The following RBFOX1 variants were observed in gnomAD, a reference collection of about 807,000 sequenced individuals.
RBFOX1 encodes RNA binding fox-1 homolog 1.
A neutral mutation model predicts 57.7 loss-of-function variants in RBFOX1; 8 were observed. The observed-to-expected ratio is 0.14, with a 90% CI of 0.08 to 0.25. The LOEUF (loss-of-function observed/expected upper bound fraction) is 0.25, where lower values mean the gene tolerates loss of function less well. RBFOX1 is among the 10% of genes least tolerant of loss of function. RBFOX1 has a pLI of 1.00. For missense variants in RBFOX1, 611 were observed against 548.5 expected (o/e 1.11, Z -1.14); for synonymous variants, 326 against 222.4 (o/e 1.47, Z -4.15).
rs879752950 is a variant in RBFOX1 at position 7,449,732 on chromosome 16, G to T, written c.28-68415G>T. Among the ~76,000 whole-genome samples, 220 of 138,328 alleles carry T rather than the reference G, an allele frequency of 1.6e-3. 8 individuals carry two copies. The highest frequency in any genetic ancestry group is 2.7e-3 in the African/African-American group (103 of 37,934). 90.7% of individuals were successfully genotyped at this position (138,328 alleles called of 152,430 possible). ...AACATGTATGTGTGTGTGTGTGTGG[G>T]GGGGGGGGGTTGTTTTGTTTTGTTT... On this transcript the variant is annotated intron_variant, in intron 4 of 15. Transcript: ENST00000550418.
At chr16:5,424,905 TTCTTTCTTTCTTTC>T (rs2067479834) in intron 1 of RBFOX1, among the ~76,000 whole-genome samples, 1 of 106,138 alleles carries the variant, frequency 9.4e-6, no homozygotes, top group African/African-American at 4.0e-5. Flanking sequence ...CTTTCTTTCT[TTCTTTCTTTCTTTC>T]TTTCTTTCTT....
At chr16:6,892,775 CCTCTCTCTCTCTCTCTCTCT>C (rs750285832) in intron 3 of RBFOX1, among the ~76,000 whole-genome samples, 26,564 of 84,968 alleles carry the variant, frequency 0.31, 3,541 homozygotes, top group Admixed American at 0.47. Context: ...TCCCTGTCTC[CCTCTCTCTCTCTCTCTCTCT>C]CTCTCTCTCT....
At chr16:7,185,814 C>G (rs555364523) in intron 4 of RBFOX1, among the ~76,000 whole-genome samples, 1 of 152,274 alleles carries the variant, frequency 6.6e-6, no homozygotes, top group East Asian at 1.9e-4. Flanking sequence ...ATCAGTCAGA[C>G]TCTCAGGTAC....
chr16:5,710,821 G>C (rs1403285282), intron 3 of RBFOX1, among the ~76,000 whole-genome samples: 1 of 152,192 alleles, frequency 6.6e-6, no homozygotes, highest in Non-Finnish European at 1.5e-5. Flanking sequence ...TTGTGTGCCA[G>C]GCAGGGCAAG....
intron 3 of RBFOX1, among the ~76,000 whole-genome samples, chr16:6,956,046 TTAAG>T (rs1241596772): frequency 6.6e-6 from 1 of 152,166 alleles, no homozygotes; most frequent in African/African-American, 2.4e-5. Context: ...ACATTTTTGA[TTAAG>T]TGAGTTATCT....
chr16:5,597,377 C>G (rs1210729981), intron 2 of RBFOX1, among the ~76,000 whole-genome samples: 2 of 149,566 alleles, frequency 1.3e-5, no homozygotes, highest in African/African-American at 4.9e-5. Flanking sequence ...GGGGTGACCC[C>G]AGGCCAAAGC....
At chr16:6,974,692 T>C (rs1185934817) in intron 3 of RBFOX1, among the ~76,000 whole-genome samples, 2 of 152,016 alleles carry the variant, frequency 1.3e-5, no homozygotes, top group Non-Finnish European at 2.9e-5. Context: ...ATCAGGAGGG[T>C]AGTAACATTT....
At chr16:7,203,357 A>G (rs2089137495) in intron 4 of RBFOX1, among the ~76,000 whole-genome samples, 1 of 152,314 alleles carries the variant, frequency 6.6e-6, no homozygotes, top group Admixed American at 6.5e-5. Context: ...GTCAAGGAGA[A>G]TGGTGGTGGC....
In RBFOX1 at chr16:6,082,221, C is replaced by A. The variant is rs535086719; in HGVS notation, c.-127+62229C>A. Among the ~76,000 whole-genome samples the A allele has an allele frequency of 5.6e-5, 8 of 143,798 alleles. No homozygotes were observed. In the South Asian group the frequency reaches 1.8e-3, roughly 33 times the overall value. 94.3% of individuals were successfully genotyped at this position (143,798 alleles called of 152,430 possible). On this transcript the variant is annotated intron_variant, in intron 1 of 15. Transcript: ENST00000550418. ...TTTGAGATGGATCCTTACTCTGTCA[C>A]CCAGGCTGGAGTGTAGTGGTGCAAT...
chr16:7,363,973 T>A (rs2097383221), intron 4 of RBFOX1, among the ~76,000 whole-genome samples: 1 of 151,958 alleles, frequency 6.6e-6, no homozygotes, highest in Non-Finnish European at 1.5e-5. Flanking sequence ...AAGAGGACAT[T>A]TGAGGGGAAA....
chr16:6,059,556 T>C (rs566253423), intron 1 of RBFOX1, among the ~76,000 whole-genome samples: 2 of 152,288 alleles, frequency 1.3e-5, no homozygotes, highest in Admixed American at 1.3e-4. Flanking sequence ...AAGGGAACTA[T>C]TCAAAGTTCA....
intron 3 of RBFOX1, among the ~76,000 whole-genome samples, chr16:5,651,210 A>T (rs1351924713): frequency 1.3e-5 from 2 of 150,046 alleles, no homozygotes; most frequent in African/African-American, 4.9e-5. Context: ...CTGCCACCAT[A>T]CCCAGCTAAT....
chr16:7,095,829 G>T (rs575933821), intron 4 of RBFOX1, among the ~76,000 whole-genome samples: 160 of 152,086 alleles, frequency 1.1e-3, no homozygotes, highest in Non-Finnish European at 1.9e-3. Flanking sequence ...TGGCTAACAC[G>T]GTGAAACACC....
chr16:6,564,465 C>T (rs1164155080), intron 2 of RBFOX1, among the ~76,000 whole-genome samples: 1 of 104,252 alleles, frequency 9.6e-6, no homozygotes, highest in Non-Finnish European at 2.1e-5. Flanking sequence ...GTCTCAAAAA[C>T]AAACAAAAAC....
chr16:6,412,807 C>A (rs2093502002), intron 2 of RBFOX1, among the ~76,000 whole-genome samples: 1 of 152,120 alleles, frequency 6.6e-6, no homozygotes, highest in Admixed American at 6.5e-5. Flanking sequence ...GAATTGTGAG[C>A]CCGACATGCT....
intron 3 of RBFOX1, among the ~76,000 whole-genome samples, chr16:6,797,105 G>A (rs566973053): frequency 4.2e-4 from 64 of 152,266 alleles, no homozygotes; most frequent in African/African-American, 1.4e-3. Context: ...TCCTCCCACA[G>A]GTAGAAGGCT....
chr16:5,979,472 A>C (rs2060131054), intron 4 of RBFOX1, among the ~76,000 whole-genome samples: 1 of 152,342 alleles, frequency 6.6e-6, no homozygotes, highest in Admixed American at 6.5e-5. Context: ...ATAATAACTA[A>C]TTCACTGAGC....
At chr16:6,079,058 C>T (rs867332574) in intron 1 of RBFOX1, among the ~76,000 whole-genome samples, 5 of 152,140 alleles carry the variant, frequency 3.3e-5, no homozygotes, top group African/African-American at 1.2e-4. Context: ...GTTGTAATCC[C>T]AGCACTTTGG....
intron 3 of RBFOX1, among the ~76,000 whole-genome samples, chr16:5,739,834 T>C (rs1459834506): frequency 6.6e-6 from 1 of 152,214 alleles, no homozygotes; most frequent in Admixed American, 6.5e-5. Context: ...TCTGTGACTT[T>C]GCCATTTGAG....
Sources: gnomAD v4.1 joint callset for allele counts (sites outside exome capture counted in the v4.1 genomes callset) on GRCh38, gnomAD v4.1.1 for gene constraint, MANE v1.5 for transcripts, NCBI Gene and HGNC (gene_info 2026-07-23, HGNC 2026-07-21) for gene names.